Variants in TENM2 observed in about 807,000 individuals in gnomAD.
The protein encoded by TENM2 is teneurin transmembrane protein 2, also known as teneurin-2.
In TENM2, 52 loss-of-function variants were observed where a neutral mutation model predicts 245.2. That is an observed-to-expected ratio of 0.21 (90% CI 0.17 to 0.27). The LOEUF (loss-of-function observed/expected upper bound fraction) is 0.27. Ranked by LOEUF, TENM2 falls within the 10% of genes least tolerant of loss-of-function variation. The pLI is 1.00. For missense variants in TENM2, 3,046 were observed against 3,666.8 expected (o/e 0.83, Z 4.37); for synonymous variants, 1,363 against 1,438.9 (o/e 0.95, Z 1.19).
At chr5:168,135,382 G>A (rs1453400002) in intron 12 of TENM2, among the ~76,000 whole-genome samples, 2 of 152,022 alleles carry the variant, frequency 1.3e-5, no homozygotes, top group Non-Finnish European at 2.9e-5. Context: ...TTTTTTCATA[G>A]CATTCTATTT....
At chr5:167,122,130 A>C in the TENM2 span, among the ~76,000 whole-genome samples, 1 of 152,272 alleles carries the variant, frequency 6.6e-6, no homozygotes, top group Admixed American at 6.5e-5. Context: ...ACACACCTTA[A>C]TTTACAAATA....
intron 3 of TENM2, among the ~76,000 whole-genome samples, chr5:167,950,437 A>G (rs1456070751): frequency 2.0e-5 from 3 of 151,922 alleles, no homozygotes; most frequent in Non-Finnish European, 2.9e-5. Context: ...GTACTTTAGA[A>G]GAGTGTGTGG....
At chr5:167,544,387 T>C (rs975707965) in intron 2 of TENM2, among the ~76,000 whole-genome samples, 8 of 152,102 alleles carry the variant, frequency 5.3e-5, no homozygotes, top group Non-Finnish European at 8.8e-5. Context: ...AATCACGCGG[T>C]GCCATTTAGC....
intron 2 of TENM2, among the ~76,000 whole-genome samples, chr5:167,399,657 C>T (rs980303280): frequency 8.5e-5 from 13 of 152,066 alleles, no homozygotes; most frequent in African/African-American, 3.1e-4. Flanking sequence ...GATGTGGAAA[C>T]GACTTCATCT....
At chr5:167,115,090 G>A in the TENM2 span, among the ~76,000 whole-genome samples, 4 of 152,148 alleles carry the variant, frequency 2.6e-5, no homozygotes, top group South Asian at 2.1e-4. Flanking sequence ...TGAGATCCAA[G>A]ATCATACGTT....
Position 167,746,710 on chromosome 5 carries a change from A to AGAGAGAGAGAGCGAGC in TENM2, c.503-129271_503-129270insAGAGAGCGAGCGAGAG, listed in dbSNP as rs761614775. 3.3e-3 allele frequency among the ~76,000 whole-genome samples: 484 copies of AGAGAGAGAGAGCGAGC among 144,908 alleles called. 5 individuals are homozygous for AGAGAGAGAGAGCGAGC. The highest frequency in any genetic ancestry group is 6.2e-3 in the South Asian group (28 of 4,494). On this transcript the variant is annotated intron_variant, in intron 2 of 28. Transcript: ENST00000518659. ...GAGAGAGAGAGAGAGAGAGAGAGAG[A>AGAGAGAGAGAGCGAGC]GAGAGCTGGACTCTACACAATTAGT...
intron 2 of TENM2, among the ~76,000 whole-genome samples, chr5:167,689,853 T>C (rs1312686679): frequency 6.6e-6 from 1 of 152,096 alleles, no homozygotes; most frequent in Non-Finnish European, 1.5e-5. Context: ...CTCCACCTCT[T>C]GGGTTCAAGC....
intron 2 of TENM2, among the ~76,000 whole-genome samples, chr5:167,767,581 G>A (rs4637571): frequency 0.98 from 149,745 of 152,328 alleles, 73,650 homozygotes; most frequent in East Asian, 1. Context: ...CAATAAAAGA[G>A]AACCACTATA....
intron 2 of TENM2, among the ~76,000 whole-genome samples, chr5:167,447,583 G>A (rs375254571): frequency 6.6e-6 from 1 of 152,128 alleles, no homozygotes; most frequent in East Asian, 1.9e-4. Flanking sequence ...TTTATTTCCA[G>A]TAAAAGGGGC....
At chr5:167,434,467 A>C (rs1293365724) in intron 2 of TENM2, among the ~76,000 whole-genome samples, 1 of 149,622 alleles carries the variant, frequency 6.7e-6, no homozygotes, top group Non-Finnish European at 1.5e-5. Context: ...ATAGGAAAAC[A>C]TTTTTAAACT....
intron 2 of TENM2, among the ~76,000 whole-genome samples, chr5:167,804,346 T>A (rs976271861): frequency 6.6e-6 from 1 of 152,108 alleles, no homozygotes; most frequent in Non-Finnish European, 1.5e-5. Flanking sequence ...CAAGAGCTGA[T>A]CCTCTTTCCC....
At chr5:167,553,725 T>C (rs372014264) in intron 2 of TENM2, among the ~76,000 whole-genome samples, 3 of 152,300 alleles carry the variant, frequency 2.0e-5, no homozygotes, top group East Asian at 1.9e-4. Flanking sequence ...ACAAAATCCA[T>C]CCATTTAGAC....
intron 2 of TENM2, among the ~76,000 whole-genome samples, chr5:167,757,866 G>C (rs1253372988): frequency 6.6e-6 from 1 of 152,164 alleles, no homozygotes; most frequent in African/African-American, 2.4e-5. Context: ...GCTTCAGAAA[G>C]AGAACAAGGG....
intron 2 of TENM2, among the ~76,000 whole-genome samples, chr5:167,542,529 T>C (rs914338893): frequency 6.6e-6 from 1 of 152,150 alleles, no homozygotes; most frequent in Non-Finnish European, 1.5e-5. Flanking sequence ...CAAATGTTAG[T>C]GAACCTCTCA....
chr5:167,297,468 T>C (rs1281350882), intron 1 of TENM2: 1 of 152,170 alleles, frequency 6.6e-6, no homozygotes, highest in Non-Finnish European at 1.5e-5. Flanking sequence ...AGTACCTGGC[T>C]TGGAATGTAA....
At chr5:167,675,126 G>A (rs946694902) in intron 2 of TENM2, among the ~76,000 whole-genome samples, 1 of 152,066 alleles carries the variant, frequency 6.6e-6, no homozygotes, top group Admixed American at 6.6e-5. Context: ...TAAGCCCAAT[G>A]CCAATATAAT....
chr5:167,769,516 G>A (rs766957149), intron 2 of TENM2, among the ~76,000 whole-genome samples: 91 of 152,268 alleles, frequency 6.0e-4, no homozygotes, highest in Non-Finnish European at 9.1e-4. Context: ...TACTATGGCA[G>A]TTTTGTTTTC....
chr5:167,442,170 A>C (rs1343697000), intron 2 of TENM2, among the ~76,000 whole-genome samples: 2 of 152,086 alleles, frequency 1.3e-5, no homozygotes, highest in African/African-American at 4.8e-5. Context: ...AATTTTTATC[A>C]TTCTTTGACT....
At chr5:167,523,615 C>T (rs1238136874) in intron 2 of TENM2, among the ~76,000 whole-genome samples, 1 of 152,084 alleles carries the variant, frequency 6.6e-6, no homozygotes, top group East Asian at 1.9e-4. Context: ...TAAAACTATT[C>T]TATGCGCCAC....
Sources: allele counts gnomAD v4.1 joint callset (sites outside exome capture counted in the v4.1 genomes callset), GRCh38; gene constraint gnomAD v4.1.1; transcripts MANE v1.5; gene names NCBI Gene and HGNC (gene_info 2026-07-23, HGNC 2026-07-21).